The following MSRA variants were observed in gnomAD, a reference collection of about 807,000 sequenced individuals.
MSRA encodes mitochondrial peptide methionine sulfoxide reductase.
A neutral mutation model predicts 31.3 loss-of-function variants in MSRA; 54 were observed. That is an observed-to-expected ratio of 1.73 (90% CI 1.39 to 2.17). The LOEUF is 2.17. Ranked by LOEUF, MSRA falls within the 30% of genes most tolerant of loss-of-function variation. The pLI, the probability that MSRA is intolerant of heterozygous loss-of-function variation, is 0.00. For synonymous variants in MSRA, 169 were observed against 116.5 expected, an observed-to-expected ratio of 1.45 and a Z score of -2.90; for missense variants, 507 against 300.9, an observed-to-expected ratio of 1.69 and a Z score of -5.07.
intron 1 of MSRA, among the ~76,000 whole-genome samples, chr8:10,068,128 C>T (rs553761563): frequency 6.6e-6 from 1 of 152,174 alleles, no homozygotes; most frequent in South Asian, 2.1e-4. Context: ...AAGCAGACTG[C>T]CCGCCTTGGT....
intron 3 of MSRA, among the ~76,000 whole-genome samples, chr8:10,252,524 A>G (rs6601422): frequency 0.56 from 85,218 of 151,930 alleles, 24,818 homozygotes; most frequent in Non-Finnish European, 0.64. Context: ...AGGGTGTGAC[A>G]GTAAAGAGCG....
At chr8:10,224,780 C>G (rs906489124) in intron 2 of MSRA, among the ~76,000 whole-genome samples, 1 of 152,218 alleles carries the variant, frequency 6.6e-6, no homozygotes, top group Non-Finnish European at 1.5e-5. Context: ...TAGAAAGATT[C>G]CTGCACTCCT....
chr8:10,140,039 C>G (rs1026473768), intron 1 of MSRA, among the ~76,000 whole-genome samples: 1 of 152,160 alleles, frequency 6.6e-6, no homozygotes, highest in Admixed American at 6.5e-5. Flanking sequence ...GACACGGGAG[C>G]CTTCCGAAAT....
intron 5 of MSRA, among the ~76,000 whole-genome samples, chr8:10,360,448 C>T (rs1197029980): frequency 6.6e-6 from 1 of 152,164 alleles, no homozygotes; most frequent in Non-Finnish European, 1.5e-5. Flanking sequence ...TGAGTTGTTG[C>T]TTATGCATTT....
intron 1 of MSRA, among the ~76,000 whole-genome samples, chr8:10,127,338 G>T (rs939748549): frequency 1.2e-4 from 18 of 152,162 alleles, no homozygotes; most frequent in African/African-American, 4.3e-4. Context: ...TACGGACTAT[G>T]TTCAATTTTG....
chr8:10,359,954 C>T (rs1328200126), intron 5 of MSRA, among the ~76,000 whole-genome samples: 1 of 152,184 alleles, frequency 6.6e-6, no homozygotes, highest in Non-Finnish European at 1.5e-5. Context: ...TTTCTGTTCC[C>T]CTCCTCCACT....
rs116756101 is a variant in MSRA at position 10,113,394 on chromosome 8, C to T, written c.142+58736C>T. On this transcript the variant is annotated intron_variant, in intron 1 of 5. Transcript: ENST00000317173. The stretch of plus-strand genomic sequence containing the variant: ...GGGGGAAGGGAGGATCTATGGCAGA[C>T]TGGGATAAAGGGCACAGGGGTTAGC... Among the ~76,000 whole-genome samples, 1,408 of 141,856 alleles carry T rather than the reference C, an allele frequency of 9.9e-3. 25 individuals are homozygous for T. Among genetic ancestry groups the T allele is most frequent in the African/African-American group, 0.034 (1,270 of 37,842 alleles). The allele number at this position is 141,856 out of a possible 152,430, so 93.1% of individuals were successfully genotyped here.
At chr8:10,381,077 G>A (rs904952340) in intron 5 of MSRA, among the ~76,000 whole-genome samples, 1 of 152,292 alleles carries the variant, frequency 6.6e-6, no homozygotes, top group Admixed American at 6.5e-5. Flanking sequence ...ATGGATTGAT[G>A]GATATCCTAT....
At chr8:10,335,461 C>A (rs1802982531) in intron 5 of MSRA, among the ~76,000 whole-genome samples, 1 of 152,080 alleles carries the variant, frequency 6.6e-6, no homozygotes, top group African/African-American at 2.4e-5. Context: ...AAATTATCTT[C>A]GTCTTGCTGG....
chr8:10,147,929 G>C (rs974366411), intron 1 of MSRA, among the ~76,000 whole-genome samples: 1 of 152,186 alleles, frequency 6.6e-6, no homozygotes. Context: ...TCCAAAGAGC[G>C]GGAAAACGAC....
At position 10,319,890 on chromosome 8, in the gene MSRA, C is replaced by A; in HGVS notation, c.444C>A (p.Arg148=). ...TGTTTTCTGCTTTCCTAGGTATGCG[C>A]CAGGGGAACGACCATGGCACTCAGT... ...WENHDPTQGM[R]QGNDHGTQYR... The change falls in exon 5 of 6, where the codon CGC becomes CGA. Residue 148 remains arginine (R), a synonymous_variant. Coordinates refer to ENST00000317173, the MANE Select transcript of MSRA (RefSeq NM_012331.5). 6.5e-7 allele frequency: 1 copy of A among 1,546,668 alleles called. No homozygotes were observed.
intron 1 of MSRA, among the ~76,000 whole-genome samples, chr8:10,188,029 A>G (rs1563197410): frequency 6.6e-6 from 1 of 152,234 alleles, no homozygotes; most frequent in Non-Finnish European, 1.5e-5. Context: ...GGGAATATTT[A>G]CATGTTGAGG....
intron 1 of MSRA, among the ~76,000 whole-genome samples, chr8:10,095,024 A>C (rs1799053676): frequency 6.6e-6 from 1 of 152,246 alleles, no homozygotes; most frequent in African/African-American, 2.4e-5. Context: ...CAGATCAATC[A>C]AAACTATATT....
In MSRA at chr8:10,422,529, G is replaced by A. The variant is rs113685968; in HGVS notation, c.544-5619G>A. Among the ~76,000 whole-genome samples the A allele has an allele frequency of 1.2e-3, 185 of 152,226 alleles. 2 individuals are homozygous for A. Among genetic ancestry groups the A allele is most frequent in the Middle Eastern group, 6.8e-3 (2 of 294 alleles). ...CCAGAAATTCCCTGGGCCAGGTGTC[G>A]CCCCACATGTGTTACTGTATGCAGT... On this transcript the variant is annotated intron_variant, in intron 5 of 5. Transcript: ENST00000317173.
At chr8:10,075,279 G>T (rs1172114302) in intron 1 of MSRA, among the ~76,000 whole-genome samples, 1 of 152,126 alleles carries the variant, frequency 6.6e-6, no homozygotes, top group Non-Finnish European at 1.5e-5. Flanking sequence ...CTTATATTCT[G>T]TAGTATCGTA....
intron 5 of MSRA, among the ~76,000 whole-genome samples, chr8:10,409,628 G>A (rs1488329098): frequency 6.6e-6 from 1 of 152,214 alleles, no homozygotes; most frequent in Non-Finnish European, 1.5e-5. Context: ...AGAGCATGCA[G>A]GGGAGCCTGG....
chr8:10,251,208 C>G (rs1003580355), intron 3 of MSRA, among the ~76,000 whole-genome samples: 1 of 148,398 alleles, frequency 6.7e-6, no homozygotes, highest in Non-Finnish European at 1.5e-5. Context: ...ACTCAGTATA[C>G]TTTTTTTTTT....
chr8:10,159,326 A>T (rs1319695239), intron 1 of MSRA, among the ~76,000 whole-genome samples: 1 of 152,014 alleles, frequency 6.6e-6, no homozygotes, highest in East Asian at 1.9e-4. Context: ...GGAGGGGTTG[A>T]GTTTGCATTT....
chr8:10,296,494 G>A (rs1360344288), intron 3 of MSRA, among the ~76,000 whole-genome samples: 1 of 152,180 alleles, frequency 6.6e-6, no homozygotes, highest in African/African-American at 2.4e-5. Context: ...CGGGATCACA[G>A]TCAAAAAGGT....
Sources: gnomAD v4.1 joint callset for allele counts (sites outside exome capture counted in the v4.1 genomes callset) on GRCh38, gnomAD v4.1.1 for gene constraint, MANE v1.5 for transcripts, NCBI Gene and HGNC (gene_info 2026-07-23, HGNC 2026-07-21) for gene names.